Variants in NCOA1 observed in about 807,000 individuals in gnomAD.
NCOA1 encodes nuclear receptor coactivator 1.
Under a neutral mutation model 150.9 loss-of-function variants are expected in NCOA1, and 35 were observed. The ratio of observed to expected loss-of-function variants is 0.23; its 90% CI spans 0.18 to 0.31. The LOEUF (loss-of-function observed/expected upper bound fraction) is 0.31. NCOA1 is among the 10% of genes least tolerant of loss of function. The pLI, the probability that NCOA1 is intolerant of heterozygous loss-of-function variation, is 1.00. For missense variants in NCOA1, 1,491 were observed against 1,749.3 expected (o/e 0.85, Z 2.63); for synonymous variants, 590 against 630.0 (o/e 0.94, Z 0.95).
chr2:24,534,690 C>T (rs1479257787), intron 1 of NCOA1, among the ~76,000 whole-genome samples: 1 of 152,086 alleles, frequency 6.6e-6, no homozygotes, highest in Non-Finnish European at 1.5e-5. Flanking sequence ...TTATTTCTGC[C>T]TTCATTTCGT....
At chr2:24,550,224 A>G (rs1665770822) in intron 1 of NCOA1, among the ~76,000 whole-genome samples, 1 of 152,142 alleles carries the variant, frequency 6.6e-6, no homozygotes, top group African/African-American at 2.4e-5. Flanking sequence ...CCTGTTACCC[A>G]GTTCCAAAGC....
intron 8 of NCOA1, among the ~76,000 whole-genome samples, chr2:24,687,500 C>G (rs1003027393): frequency 6.6e-6 from 1 of 152,088 alleles, no homozygotes; most frequent in African/African-American, 2.4e-5. Flanking sequence ...CGATAAAGAA[C>G]TTCCCTGAGA....
At chr2:24,711,211 G>C in intron 14 of NCOA1, 100 bp downstream of exon 14, 1 of 1,180,702 alleles carries the variant, frequency 8.5e-7, no homozygotes, top group Non-Finnish European at 1.1e-6. Context: ...GCTTAAGAGT[G>C]AAATATCTTT....
chr2:24,683,966 G>A (rs982176897), intron 8 of NCOA1, among the ~76,000 whole-genome samples: 2 of 152,078 alleles, frequency 1.3e-5, no homozygotes, highest in Non-Finnish European at 2.9e-5. Context: ...TGAAATAAAA[G>A]CGATTTAAAA....
At chr2:24,681,289 A>G (rs1385048024) in intron 7 of NCOA1, among the ~76,000 whole-genome samples, 2 of 152,198 alleles carry the variant, frequency 1.3e-5, no homozygotes, top group African/African-American at 4.8e-5. Flanking sequence ...ACTTGAATCC[A>G]GGAAGCAGAG....
chr2:24,759,594 G>A (rs534182894), intron 21 of NCOA1, among the ~76,000 whole-genome samples: 190 of 152,120 alleles, frequency 1.2e-3, no homozygotes, highest in African/African-American at 4.3e-3. Flanking sequence ...CTCATTATTC[G>A]TATCAGCAAC....
chr2:24,670,569 G>A (rs1046285570), intron 6 of NCOA1, among the ~76,000 whole-genome samples: 2 of 152,142 alleles, frequency 1.3e-5, no homozygotes, highest in South Asian at 2.1e-4. Flanking sequence ...AAGAAGCCGA[G>A]TCACATATGA....
At chr2:24,693,899 G>A (rs927533202) in intron 10 of NCOA1, among the ~76,000 whole-genome samples, 1 of 152,114 alleles carries the variant, frequency 6.6e-6, no homozygotes, top group East Asian at 1.9e-4. Context: ...GTATAAGGGA[G>A]GATATATGAA....
chr2:24,566,653 C>T (rs1306702910), intron 2 of NCOA1, among the ~76,000 whole-genome samples: 1 of 152,228 alleles, frequency 6.6e-6, no homozygotes, highest in Non-Finnish European at 1.5e-5. Context: ...GGACCTGCCC[C>T]TTTCTGCCCA....
intron 1 of NCOA1, among the ~76,000 whole-genome samples, chr2:24,524,641 A>G (rs1000650380): frequency 1.3e-5 from 2 of 151,626 alleles, no homozygotes; most frequent in African/African-American, 2.4e-5. Flanking sequence ...GAGTTTCACT[A>G]TTGTTGCCCA....
intron 2 of NCOA1, among the ~76,000 whole-genome samples, chr2:24,567,859 T>C (rs1666578106): frequency 1.3e-5 from 2 of 152,182 alleles, no homozygotes. Context: ...CAAGCAATTC[T>C]CCTCCTCCCC....
At chr2:24,562,117 A>G (rs1368833128) in intron 1 of NCOA1, among the ~76,000 whole-genome samples, 1 of 152,220 alleles carries the variant, frequency 6.6e-6, no homozygotes, top group African/African-American at 2.4e-5. Context: ...AAATAATAAA[A>G]GATATGAAAA....
intron 4 of NCOA1, among the ~76,000 whole-genome samples, chr2:24,655,816 T>C (rs991457434): frequency 3.3e-5 from 5 of 152,126 alleles, no homozygotes; most frequent in African/African-American, 7.2e-5. Context: ...TGGCCGGGCA[T>C]GGTGGCTCAC....
chr2:24,650,754 C>T (rs1455493604), intron 4 of NCOA1, among the ~76,000 whole-genome samples: 3 of 152,038 alleles, frequency 2.0e-5, no homozygotes, highest in African/African-American at 7.2e-5. Flanking sequence ...AAGTAAAAGC[C>T]ACTTTATCAC....
Position 24,697,644 on chromosome 2 carries a change from C to T in NCOA1, c.809-14C>T, listed in dbSNP as rs1251524588. On this transcript the variant is annotated splice_polypyrimidine_tract_variant and intron_variant, in intron 10 of 22. Transcript: ENST00000348332. ...AGAGGCTGTTATAAATATAAACTTT[C>T]ATTCTTTGTACAGGTAAAATCATCT... is the stretch of plus-strand genomic sequence containing the variant. 1 of 1,594,682 alleles carries T rather than the reference C, an allele frequency of 6.3e-7. No homozygotes were observed. The highest frequency in any genetic ancestry group is 1.7e-5 in the Admixed American group (1 of 57,812).
chr2:24,747,327 C>CT (rs148901218), intron 19 of NCOA1, among the ~76,000 whole-genome samples: 3,033 of 120,120 alleles, frequency 0.025, 156 homozygotes, highest in Admixed American at 0.12. Context: ...TTATTTTTCT[C>CT]TTTTTTTTTT....
At chr2:24,603,726 C>T (rs1043963971) in intron 3 of NCOA1, among the ~76,000 whole-genome samples, 4 of 152,230 alleles carry the variant, frequency 2.6e-5, no homozygotes, top group East Asian at 1.9e-4. Context: ...ACCATATCTG[C>T]GGTTACTTCT....
At chr2:24,561,879 G>T (rs1010313198) in intron 1 of NCOA1, among the ~76,000 whole-genome samples, 1 of 152,064 alleles carries the variant, frequency 6.6e-6, no homozygotes, top group African/African-American at 2.4e-5. Flanking sequence ...AACCTTATGG[G>T]CAAACAAAGG....
At chr2:24,580,052 ATGT>A (rs1231654328) in intron 2 of NCOA1, among the ~76,000 whole-genome samples, 4 of 152,214 alleles carry the variant, frequency 2.6e-5, no homozygotes, top group Non-Finnish European at 5.9e-5. Context: ...TCAGTAAAAA[ATGT>A]TGTGCCACTT....
Sources: gnomAD v4.1 joint callset for allele counts (sites outside exome capture counted in the v4.1 genomes callset) on GRCh38, gnomAD v4.1.1 for gene constraint, MANE v1.5 for transcripts, NCBI Gene and HGNC (gene_info 2026-07-23, HGNC 2026-07-21) for gene names.